The following PTPRD variants were observed in gnomAD, a reference collection of about 807,000 sequenced individuals.
PTPRD encodes protein tyrosine phosphatase receptor type D.
A neutral mutation model predicts 214.5 loss-of-function variants in PTPRD; 34 were observed. The observed-to-expected ratio is 0.16, with a 90% CI of 0.12 to 0.21. PTPRD has a LOEUF of 0.21. Among genes scored for constraint, PTPRD ranks in the 10% least tolerant of loss-of-function variants. The pLI is 1.00. For missense variants in PTPRD, 2,545 were observed against 2,398.7 expected (o/e 1.06, Z -1.27); for synonymous variants, 1,128 against 845.7 (o/e 1.33, Z -5.79).
chr9:9,542,591 T>C (rs1317161446), intron 8 of PTPRD, among the ~76,000 whole-genome samples: 1 of 151,606 alleles, frequency 6.6e-6, no homozygotes, highest in Non-Finnish European at 1.5e-5. Flanking sequence ...ATATACAAAA[T>C]ATATAAAGAA....
intron 5 of PTPRD, among the ~76,000 whole-genome samples, chr9:9,847,887 A>G (rs2059835746): frequency 6.6e-6 from 1 of 152,090 alleles, no homozygotes; most frequent in South Asian, 2.1e-4. Context: ...GGTGATGTAC[A>G]TCACACTTTT....
At chr9:10,047,646 A>G (rs2097431415) in intron 3 of PTPRD, among the ~76,000 whole-genome samples, 1 of 152,098 alleles carries the variant, frequency 6.6e-6, no homozygotes, top group South Asian at 2.1e-4. Flanking sequence ...ATAACTATGT[A>G]AACATTGAAA....
At chr9:8,722,123 C>G (rs1332465024) in intron 12 of PTPRD, among the ~76,000 whole-genome samples, 1 of 147,368 alleles carries the variant, frequency 6.8e-6, no homozygotes, top group Non-Finnish European at 1.5e-5. Context: ...AAGTATTACT[C>G]TGTGTGTGTG....
intron 3 of PTPRD, among the ~76,000 whole-genome samples, chr9:10,260,962 G>A (rs2093651132): frequency 6.8e-6 from 1 of 147,422 alleles, no homozygotes; most frequent in Non-Finnish European, 1.5e-5. Flanking sequence ...ATGTGTGTGT[G>A]TATATATATA....
intron 11 of PTPRD, among the ~76,000 whole-genome samples, chr9:8,745,881 T>G (rs1234502700): frequency 6.6e-6 from 1 of 152,022 alleles, no homozygotes; most frequent in South Asian, 2.1e-4. Context: ...CACTGCAGCC[T>G]GGAAATCCTG....
At chr9:8,833,913 T>C (rs2097355274) in intron 11 of PTPRD, among the ~76,000 whole-genome samples, 1 of 126,138 alleles carries the variant, frequency 7.9e-6, no homozygotes, top group South Asian at 2.6e-4. Context: ...TATGGATAAA[T>C]GTATTAAAAA....
At chr9:9,340,948 A>G (rs1338138264) in intron 9 of PTPRD, among the ~76,000 whole-genome samples, 1 of 152,190 alleles carries the variant, frequency 6.6e-6, no homozygotes, top group Admixed American at 6.5e-5. Flanking sequence ...CTAAATACAC[A>G]GACCTCTTCT....
chr9:9,133,992 T>C (rs1464731599), intron 10 of PTPRD, among the ~76,000 whole-genome samples: 1 of 148,654 alleles, frequency 6.7e-6, no homozygotes, highest in East Asian at 2.0e-4. Flanking sequence ...CTTACCTCCA[T>C]CCCCAAATCT....
chr9:10,194,628 A>G (rs1423652842), intron 3 of PTPRD, among the ~76,000 whole-genome samples: 3 of 151,524 alleles, frequency 2.0e-5, no homozygotes, highest in South Asian at 2.1e-4. Flanking sequence ...TAGAAGCACT[A>G]TAAATTATTT....
At chr9:9,887,816 G>A (rs369497550) in intron 5 of PTPRD, among the ~76,000 whole-genome samples, 20 of 151,828 alleles carry the variant, frequency 1.3e-4, no homozygotes, top group African/African-American at 3.9e-4. Flanking sequence ...ATACTCTTTC[G>A]TACACTGATT....
chr9:10,579,355 G>A (rs1192230348), intron 2 of PTPRD, among the ~76,000 whole-genome samples: 1 of 152,144 alleles, frequency 6.6e-6, no homozygotes, highest in African/African-American at 2.4e-5. Flanking sequence ...TTATAAGTGA[G>A]AACGTGAAGT....
rs869096131 is a variant in PTPRD, at chr9:9,976,689, CAAAAAAAA to C, written c.-471-38087_-471-38080del. Among the ~76,000 whole-genome samples, 12 of 63,250 alleles carry C rather than the reference CAAAAAAAA, an allele frequency of 1.9e-4. 1 individual carries two copies. The South Asian group carries it at 3.9e-3, about 21-fold the overall frequency. The allele number at this position is 63,250 out of a possible 152,430, so 41.5% of individuals were successfully genotyped here. ...GGTGTGAGCCACTACACCCTGCCAC[CAAAAAAAA>C]AAAAAAAAAAAAAAATTTACTTTTT... is the stretch of plus-strand genomic sequence containing the variant. On this transcript the variant is annotated intron_variant, in intron 4 of 45. Coordinates refer to ENST00000381196, the MANE Select transcript of PTPRD (RefSeq NM_002839.4).
chr9:8,353,458 C>G (rs1404588166), intron 39 of PTPRD, among the ~76,000 whole-genome samples: 1 of 152,148 alleles, frequency 6.6e-6, no homozygotes, highest in East Asian at 1.9e-4. Context: ...GAGATGGAGT[C>G]TCACTCTGCT....
intron 7 of PTPRD, among the ~76,000 whole-genome samples, chr9:9,629,258 G>A (rs1307103493): frequency 5.8e-5 from 7 of 120,402 alleles, no homozygotes; most frequent in African/African-American, 2.6e-4. Flanking sequence ...ATATATATAT[G>A]AACACTTTAT....
At chr9:10,062,574 C>T (rs955285159) in intron 3 of PTPRD, among the ~76,000 whole-genome samples, 1 of 152,018 alleles carries the variant, frequency 6.6e-6, no homozygotes, top group African/African-American at 2.4e-5. Flanking sequence ...CCATCGTATT[C>T]CAGCCTGGGC....
chr9:9,068,971 C>A (rs145384885), intron 10 of PTPRD, among the ~76,000 whole-genome samples: 1 of 152,006 alleles, frequency 6.6e-6, no homozygotes, highest in Non-Finnish European at 1.5e-5. Context: ...GGGTAATAGG[C>A]AAATATCTTC....
chr9:10,158,288 G>C (rs548404087), intron 3 of PTPRD, among the ~76,000 whole-genome samples: 1 of 152,106 alleles, frequency 6.6e-6, no homozygotes, highest in African/African-American at 2.4e-5. Flanking sequence ...GGTTACAGGC[G>C]TGAGCCACTG....
At chr9:8,719,827 A>G (rs1644439108) in intron 12 of PTPRD, among the ~76,000 whole-genome samples, 1 of 152,086 alleles carries the variant, frequency 6.6e-6, no homozygotes, top group Admixed American at 6.6e-5. Flanking sequence ...GCTAATGTAT[A>G]TCAATGTGTT....
chr9:9,794,623 G>A (rs2098990480), intron 5 of PTPRD, among the ~76,000 whole-genome samples: 1 of 151,856 alleles, frequency 6.6e-6, no homozygotes, highest in African/African-American at 2.4e-5. Flanking sequence ...AACATTGTTT[G>A]TCGACTATTT....
Sources: gnomAD v4.1 joint callset for allele counts (sites outside exome capture counted in the v4.1 genomes callset) on GRCh38, gnomAD v4.1.1 for gene constraint, MANE v1.5 for transcripts, NCBI Gene and HGNC (gene_info 2026-07-23, HGNC 2026-07-21) for gene names.